ZNF569: variants seen among roughly 807,000 people sequenced by gnomAD.
The protein encoded by ZNF569 is zinc finger protein 569.
A neutral mutation model predicts 56.3 loss-of-function variants in ZNF569; 38 were observed. That is an observed-to-expected ratio of 0.68 (90% CI 0.52 to 0.88). ZNF569 has a LOEUF of 0.88. ZNF569 is among the 40% of genes least tolerant of loss of function. The pLI is 0.00. For synonymous variants in ZNF569, 241 were observed against 262.9 expected, an observed-to-expected ratio of 0.92 and a Z score of 0.81; for missense variants, 666 against 809.2, an observed-to-expected ratio of 0.82 and a Z score of 2.15.
chr19:37,432,351 C>T (rs1417986205), intron 3 of ZNF569, among the ~76,000 whole-genome samples: 2 of 152,170 alleles, frequency 1.3e-5, no homozygotes, highest in Non-Finnish European at 2.9e-5. Context: ...GAAAGTAAGA[C>T]AACAAGAGTC....
At chr19:37,425,271 C>G (rs1008168213) in intron 5 of ZNF569, among the ~76,000 whole-genome samples, 1 of 151,786 alleles carries the variant, frequency 6.6e-6, no homozygotes, top group Non-Finnish European at 1.5e-5. Flanking sequence ...CCCACCTCAG[C>G]CTTCCAAGCA....
upstream of ZNF569, chr19:37,467,525 G>C (rs2041868318): frequency 3.5e-6 from 1 of 284,642 alleles, no homozygotes; most frequent in East Asian, 6.7e-5. Context: ...TCTTACAGTC[G>C]GCTGGAGCTG....
intron 3 of ZNF569, among the ~76,000 whole-genome samples, chr19:37,432,504 G>A (rs2146907686): frequency 6.6e-6 from 1 of 152,322 alleles, no homozygotes; most frequent in South Asian, 2.1e-4. Flanking sequence ...CAAAAACTTA[G>A]ATCACAACAC....
At chr19:37,457,295 G>A (rs2041688185) in intron 2 of ZNF569, among the ~76,000 whole-genome samples, 2 of 152,094 alleles carry the variant, frequency 1.3e-5, no homozygotes, top group Non-Finnish European at 2.9e-5. Context: ...ATAAATTGAG[G>A]ATTTAATCGA....
At chr19:37,454,847 G>A (rs1600345254) in intron 2 of ZNF569, 2 of 702,624 alleles carry the variant, frequency 2.8e-6, no homozygotes, top group East Asian at 5.4e-5. Flanking sequence ...CTTATATGGT[G>A]TCTGGCAGAG....
At chr19:37,432,894 A>C (rs1287646861) in intron 3 of ZNF569, among the ~76,000 whole-genome samples, 1 of 151,222 alleles carries the variant, frequency 6.6e-6, no homozygotes, top group Non-Finnish European at 1.5e-5. Context: ...AAACTAAAGA[A>C]TGCATCAGTC....
In ZNF569 at chr19:37,411,951, C is replaced by A. The variant is rs1377933982; in HGVS notation, c.*646G>T. The A allele has an allele frequency of 2.0e-5, 3 of 152,080 alleles. No homozygotes were observed. The highest frequency in any genetic ancestry group is 2.9e-5 in the Non-Finnish European group (2 of 67,980). The allele number at this position is 152,080 out of a possible 1,614,324, so 9.4% of individuals were successfully genotyped here. ...TAATAGAGTGTGTCTTCTCTACTTG[C>A]TTTGTCAAGTTTGTTTCAGCTATTT... is the stretch of plus-strand genomic sequence containing the variant. On this transcript the variant is annotated 3_prime_UTR_variant, in exon 6 of 6. Coordinates refer to ENST00000316950, the MANE Select transcript of ZNF569 (RefSeq NM_152484.3).
At chr19:37,439,987 G>C (rs575731515) in intron 3 of ZNF569, among the ~76,000 whole-genome samples, 7 of 152,248 alleles carry the variant, frequency 4.6e-5, no homozygotes, top group African/African-American at 1.7e-4. Context: ...ATATTTGATA[G>C]TGCAACAGGA....
intron 3 of ZNF569, among the ~76,000 whole-genome samples, chr19:37,429,362 C>T (rs2041188921): frequency 6.6e-6 from 1 of 152,210 alleles, no homozygotes; most frequent in South Asian, 2.1e-4. Flanking sequence ...CCAAGAATGG[C>T]AGAGCAATGA....
intron 5 of ZNF569, among the ~76,000 whole-genome samples, chr19:37,425,058 G>A (rs2041103637): frequency 6.6e-6 from 1 of 151,924 alleles, no homozygotes; most frequent in Non-Finnish European, 1.5e-5. Flanking sequence ...GGTGGGGGTT[G>A]CAGTGAGCCG....
At chr19:37,440,903 C>T (rs965217473) in intron 3 of ZNF569, among the ~76,000 whole-genome samples, 3 of 152,114 alleles carry the variant, frequency 2.0e-5, no homozygotes, top group South Asian at 2.1e-4. Flanking sequence ...CCTCTATGGG[C>T]TAATTTTCTT....
chr19:37,413,362 A>G lies in ZNF569; in HGVS notation c.1296T>C (p.His432=), dbSNP rs2146848996. 6.2e-7 allele frequency: 1 copy of G among 1,608,518 alleles called. No individual in the cohort carries two copies. The highest frequency in any genetic ancestry group is 1.1e-5 in the South Asian group (1 of 90,014). ...KKNFITHQKI[H]TREKPYECNE... The stretch of plus-strand genomic sequence containing the variant: ...TACACTCATAAGGTTTCTCTCTAGT[A>G]TGAATTTTCTGGTGTGTAATGAAGT... The change falls in exon 6 of 6, where the codon CAT becomes CAC. Residue 432 remains histidine, a synonymous_variant. Coordinates refer to ENST00000316950, the MANE Select transcript of ZNF569 (RefSeq NM_152484.3).
At chr19:37,417,427 T>G (rs2040952290) in intron 5 of ZNF569, among the ~76,000 whole-genome samples, 1 of 152,008 alleles carries the variant, frequency 6.6e-6, no homozygotes, top group African/African-American at 2.4e-5. Flanking sequence ...TTTTGTATTT[T>G]TAGTAGAGAT....
chr19:37,445,040 A>C (rs904580249), intron 2 of ZNF569, 76 bp from the exon 3 acceptor site: 57 of 1,137,532 alleles, frequency 5.0e-5, no homozygotes, highest in Non-Finnish European at 6.6e-5. Flanking sequence ...GGTGGATTAA[A>C]GGTCACCCTG....
upstream of ZNF569, chr19:37,469,252 C>T (rs1183709289): frequency 2.4e-5 from 33 of 1,384,556 alleles, no homozygotes; most frequent in Non-Finnish European, 2.9e-5. Context: ...CCAGACACTG[C>T]GACGCCGCGA....
chr19:37,457,386 G>A (rs1271683126), intron 2 of ZNF569, among the ~76,000 whole-genome samples: 2 of 151,938 alleles, frequency 1.3e-5, no homozygotes, highest in Middle Eastern at 3.2e-3. Flanking sequence ...AAAATTTACT[G>A]GCTTATGGTA....
At chr19:37,454,231 T>C (rs2041637624) in intron 2 of ZNF569, among the ~76,000 whole-genome samples, 1 of 152,174 alleles carries the variant, frequency 6.6e-6, no homozygotes, top group South Asian at 2.1e-4. Flanking sequence ...TCCCTTAGTT[T>C]TGGGTGTTCC....
rs2040866039 is a variant in ZNF569, at chr19:37,413,089, A to C, written c.1569T>G (p.Asp523Glu). The stretch of plus-strand genomic sequence containing the variant: ...AGAAGGCTTTACCACATTCATTACA[A>C]TCATAAGGTTTCTCTCCAGTATGAA... ...QKVHTGEKPYDCNECGKAFSQ... is the reference protein window; with the variant it reads ...QKVHTGEKPYECNECGKAFSQ... The change falls in exon 6 of 6, where the codon GAT becomes GAG. Residue 523 changes from aspartate (D) to glutamate (E), a missense_variant. Coordinates refer to ENST00000316950, the MANE Select transcript of ZNF569 (RefSeq NM_152484.3). 4.3e-6 allele frequency: 7 copies of C among 1,612,794 alleles called. No homozygotes were observed. Among genetic ancestry groups the C allele is most frequent in the Non-Finnish European group, 5.9e-6 (7 of 1,179,522 alleles).
intron 2 of ZNF569, among the ~76,000 whole-genome samples, chr19:37,445,976 A>C (rs1173361173): frequency 6.6e-6 from 1 of 152,180 alleles, no homozygotes; most frequent in Non-Finnish European, 1.5e-5. Context: ...GAACCAAAAA[A>C]GAGCCCACAT....
Sources: gnomAD v4.1 joint callset for allele counts (sites outside exome capture counted in the v4.1 genomes callset) on GRCh38, gnomAD v4.1.1 for gene constraint, MANE v1.5 for transcripts, NCBI Gene and HGNC (gene_info 2026-07-23, HGNC 2026-07-21) for gene names.